Variants in SLC16A10 observed in about 807,000 individuals in gnomAD.
SLC16A10 encodes the protein monocarboxylate transporter 10.
SLC16A10 carries 27 observed loss-of-function variants against 40.0 expected under a neutral mutation model. That is an observed-to-expected ratio of 0.67 (90% CI 0.50 to 0.93). The LOEUF is 0.93. Among genes scored for constraint, SLC16A10 ranks in the 40% least tolerant of loss-of-function variants. The pLI, the probability that SLC16A10 is intolerant of heterozygous loss-of-function variation, is 0.00. For synonymous variants in SLC16A10, 213 were observed against 249.8 expected, an observed-to-expected ratio of 0.85 and a Z score of 1.39; for missense variants, 529 against 658.2, an observed-to-expected ratio of 0.80 and a Z score of 2.15.
chr6:111,229,545 G>A lies in SLC16A10; in HGVS notation c.*7310G>A, dbSNP rs915637132. On this transcript the variant is annotated 3_prime_UTR_variant, in exon 6 of 6. Transcript: ENST00000368851. ...TTGAGCTGGCTTATGTAGACATTTG[G>A]ACATTTGAAACTATTTCGCAACTTT... 3.7e-4 allele frequency: 56 copies of A among 152,226 alleles called. No individual in the cohort carries two copies. Among genetic ancestry groups the A allele is most frequent in the African/African-American group, 1.3e-3 (53 of 41,538 alleles). The allele number at this position is 152,226 out of a possible 1,614,324, so 9.4% of individuals were successfully genotyped here. A position where few individuals can be genotyped will look rare whatever the true frequency, so the allele number is the denominator to read the frequency against.
intron 1 of SLC16A10, among the ~76,000 whole-genome samples, chr6:111,140,760 CAA>C (rs1771967653): frequency 2.0e-5 from 3 of 152,044 alleles, no homozygotes; most frequent in African/African-American, 7.2e-5. Context: ...AGCAAAATAT[CAA>C]AGATGATAGA....
At chr6:111,200,724 C>T (rs1024583377) in intron 3 of SLC16A10, among the ~76,000 whole-genome samples, 1 of 152,196 alleles carries the variant, frequency 6.6e-6, no homozygotes, top group African/African-American at 2.4e-5. Context: ...TGCAGGCTTT[C>T]TACTCCCTTT....
At chr6:111,206,567 T>A (rs1384140136) in intron 3 of SLC16A10, 25 bp from the exon 4 acceptor site, 9 of 1,613,586 alleles carry the variant, frequency 5.6e-6, no homozygotes, top group Non-Finnish European at 5.9e-6. Flanking sequence ...ATATTCAGTG[T>A]GGTTTCTTTC....
chr6:111,096,559 G>A (rs1362709662), intron 1 of SLC16A10, among the ~76,000 whole-genome samples: 1 of 152,166 alleles, frequency 6.6e-6, no homozygotes, highest in East Asian at 1.9e-4. Context: ...AAATGTACAT[G>A]CCAAATGTGT....
chr6:111,164,479 G>T (rs1772434891), intron 1 of SLC16A10, among the ~76,000 whole-genome samples: 1 of 152,148 alleles, frequency 6.6e-6, no homozygotes, highest in South Asian at 2.1e-4. Context: ...CAAGAAGCAG[G>T]CTGGGTGTGG....
chr6:111,100,988 C>CTATA (rs1390442093), intron 1 of SLC16A10, among the ~76,000 whole-genome samples: 63 of 77,636 alleles, frequency 8.1e-4, no homozygotes, highest in East Asian at 1.5e-3. Context: ...CTCTCTCTCT[C>CTATA]TCTCTATATA....
chr6:111,165,778 G>A (rs1409919038), intron 1 of SLC16A10, among the ~76,000 whole-genome samples: 2 of 152,194 alleles, frequency 1.3e-5, no homozygotes, highest in Non-Finnish European at 2.9e-5. Flanking sequence ...GTTGTTCATG[G>A]AGGGGAAGAG....
Position 111,222,675 on chromosome 6 carries a change from C to A in SLC16A10, c.*440C>A, listed in dbSNP as rs1352841674. 1.8e-5 allele frequency: 3 copies of A among 162,338 alleles called. No individual in the cohort carries two copies. The highest frequency in any genetic ancestry group is 3.9e-5 in the Non-Finnish European group (3 of 75,966). The allele number at this position is 162,338 out of a possible 1,614,324, so 10.1% of individuals were successfully genotyped here. A position where few individuals can be genotyped will look rare whatever the true frequency, so the allele number is the denominator to read the frequency against. ...TCTTATGCTCTTTGGAAACTTTTTGCAAAATTTAAGCCTGGGTTCTAGATA... is the reference window on the plus strand; with the variant it reads ...TCTTATGCTCTTTGGAAACTTTTTGAAAAATTTAAGCCTGGGTTCTAGATA... On this transcript the variant is annotated 3_prime_UTR_variant, in exon 6 of 6. Transcript: ENST00000368851.
intron 1 of SLC16A10, 82 bp downstream of exon 1, chr6:111,088,177 C>A: frequency 7.1e-7 from 1 of 1,400,876 alleles, no homozygotes; most frequent in Non-Finnish European, 9.8e-7. Flanking sequence ...GCTGTGTCTG[C>A]CTCCGAGTGT....
At chr6:111,205,930 A>C (rs1312340053) in intron 3 of SLC16A10, among the ~76,000 whole-genome samples, 1 of 152,194 alleles carries the variant, frequency 6.6e-6, no homozygotes, top group Non-Finnish European at 1.5e-5. Context: ...ACTGTCTCTT[A>C]GGGAGCAGAT....
At chr6:111,183,589 A>G (rs1396559652) in intron 3 of SLC16A10, among the ~76,000 whole-genome samples, 1 of 152,212 alleles carries the variant, frequency 6.6e-6, no homozygotes, top group Non-Finnish European at 1.5e-5. Context: ...CTTTGATGCT[A>G]TAATGATTTT....
At chr6:111,172,565 A>C (rs1372555875) in intron 1 of SLC16A10, 130 bp from the exon 2 acceptor site, 2 of 1,066,318 alleles carry the variant, frequency 1.9e-6, no homozygotes, top group African/African-American at 1.6e-5. Flanking sequence ...TGGCAAAAGA[A>C]CTAAGCTTAG....
intron 2 of SLC16A10, among the ~76,000 whole-genome samples, chr6:111,176,048 G>C (rs369599650): frequency 2.6e-5 from 4 of 152,234 alleles, no homozygotes; most frequent in African/African-American, 9.6e-5. Context: ...CACAGTAGTT[G>C]CTTAATATGT....
chr6:111,142,542 T>G (rs1032907400), intron 1 of SLC16A10, among the ~76,000 whole-genome samples: 2 of 152,212 alleles, frequency 1.3e-5, no homozygotes, highest in African/African-American at 4.8e-5. Context: ...AAAAGAAACC[T>G]GATTTTAAAA....
chr6:111,143,773 G>A (rs1228036459), intron 1 of SLC16A10, among the ~76,000 whole-genome samples: 1 of 152,122 alleles, frequency 6.6e-6, no homozygotes, highest in Non-Finnish European at 1.5e-5. Flanking sequence ...GACACACGTT[G>A]TATATTTGTC....
At chr6:111,147,201 A>G (rs535658116) in intron 1 of SLC16A10, among the ~76,000 whole-genome samples, 1 of 152,364 alleles carries the variant, frequency 6.6e-6, no homozygotes, top group South Asian at 2.1e-4. Context: ...ATTTTATGGT[A>G]TGTGAATGAT....
At chr6:111,157,199 G>A (rs776502878) in intron 1 of SLC16A10, among the ~76,000 whole-genome samples, 26 of 152,114 alleles carry the variant, frequency 1.7e-4, no homozygotes, top group Non-Finnish European at 2.5e-4. Context: ...GATTACAGGC[G>A]TGAGCCACCG....
chr6:111,137,845 G>A (rs1031752977), intron 1 of SLC16A10, among the ~76,000 whole-genome samples: 2 of 152,190 alleles, frequency 1.3e-5, no homozygotes, highest in African/African-American at 2.4e-5. Context: ...GGCTTGCAAC[G>A]TAGCTCACAC....
At chr6:111,169,575 A>G (rs1490804859) in intron 1 of SLC16A10, among the ~76,000 whole-genome samples, 1 of 152,222 alleles carries the variant, frequency 6.6e-6, no homozygotes, top group East Asian at 1.9e-4. Flanking sequence ...AAAGCAGCTG[A>G]TTTCAATCCC....
Sources: allele counts gnomAD v4.1 joint callset (sites outside exome capture counted in the v4.1 genomes callset), GRCh38; gene constraint gnomAD v4.1.1; transcripts MANE v1.5; gene names NCBI Gene and HGNC (gene_info 2026-07-23, HGNC 2026-07-21).